ZFP37: variants seen among roughly 807,000 people sequenced by gnomAD.
ZFP37 encodes zinc finger protein 37 homolog.
Under a neutral mutation model 52.1 loss-of-function variants are expected in ZFP37, and 38 were observed. The ratio of observed to expected loss-of-function variants is 0.73; its 90% CI spans 0.56 to 0.96. The LOEUF is 0.96. Ranked by LOEUF, ZFP37 falls within the 40% of genes least tolerant of loss-of-function variation. ZFP37 has a pLI of 0.00. For synonymous variants in ZFP37, 253 were observed against 259.5 expected, an observed-to-expected ratio of 0.98 and a Z score of 0.24; for missense variants, 695 against 741.4, an observed-to-expected ratio of 0.94 and a Z score of 0.73.
In ZFP37 at chr9:113,056,705, G is replaced by A. The variant is rs1318622468; in HGVS notation, c.-17C>T. The A allele has an allele frequency of 2.5e-6, 4 of 1,607,162 alleles. No individual in the cohort carries two copies. In the South Asian group the frequency reaches 4.4e-5, roughly 18 times the overall value. ...GACCGACATGGCGGCTACCCGGAGGGCGGCCTTAGCGGGTCCGGCAGCCGC... is the reference window on the plus strand; with the variant it reads ...GACCGACATGGCGGCTACCCGGAGGACGGCCTTAGCGGGTCCGGCAGCCGC... On this transcript the variant is annotated 5_prime_UTR_variant, in exon 1 of 4. Coordinates refer to ENST00000374227, the MANE Select transcript of ZFP37 (RefSeq NM_003408.3).
rs762517234 is a variant in ZFP37 at position 113,043,156 on chromosome 9, G to C, written c.1462C>G (p.Pro488Ala). The change falls in exon 4 of 4, where the codon CCT (proline) becomes GCT (alanine). Residue 488 changes from proline to alanine, a missense_variant. Coordinates refer to ENST00000374227, the MANE Select transcript of ZFP37 (RefSeq NM_003408.3). Reference sequence around the variant, plus strand: ...TTTCCACACTCATTACATTTATAAGGTTTCTCCTTAGTATGAGTTCTTTGA... The same window carrying C: ...TTTCCACACTCATTACATTTATAAGCTTTCTCCTTAGTATGAGTTCTTTGA... The part of the protein sequence containing the change: ...IHQRTHTKEK[P>A]YKCNECGKAF... 6.2e-7 allele frequency: 1 copy of C among 1,613,672 alleles called. No homozygotes were observed. The highest frequency in any genetic ancestry group is 8.5e-7 in the Non-Finnish European group (1 of 1,179,920).
rs142712789 is a variant in ZFP37 at position 113,043,195 on chromosome 9, G to A, written c.1423C>T (p.His475Tyr). The A allele has an allele frequency of 2.7e-5, 43 of 1,613,730 alleles. No homozygotes were observed. In the African/African-American group the frequency reaches 5.1e-4, roughly 19 times the overall value. Residue 475 changes from histidine (H) to tyrosine (Y), a missense_variant, in exon 4 of 4, where the codon CAC becomes TAC. Around this residue, in one of 2 missense-constraint regions of ZFP37, gnomAD observed 326 missense variants for 400.5 expected, o/e 0.81. Transcript: ENST00000374227. ...TGAGTTCTTTGATGTATAATGAGGT[G>A]TGACTTCTTGCTGAAAGCTTTCCCA... The part of the protein sequence containing the change: ...ECGKAFSKKS[H>Y]LIIHQRTHTK...
At position 113,056,586 on chromosome 9, in the gene ZFP37, C is replaced by G. The variant is rs757843598; in HGVS notation, c.103G>C (p.Ala35Pro). Residue 35 changes from alanine to proline, a missense_variant, in exon 1 of 4, where the codon GCT becomes CCT. This residue lies in a region of ZFP37 where 369 missense variants were observed against 340.9 expected (regional missense o/e 1.08). Coordinates refer to ENST00000374227, the MANE Select transcript of ZFP37 (RefSeq NM_003408.3). ...TKEAGRPLEM[A>P]VSEPEASAAE... ...GCGCTGGCCTCGGGCTCGGACACAG[C>G]CATCTCCAGTGGTCGCCCGGCCTCT... 7 of 1,613,828 alleles carry G rather than the reference C, an allele frequency of 4.3e-6. No homozygotes were observed. In the South Asian group the frequency reaches 7.7e-5, roughly 18 times the overall value.
chr9:113,049,533 C>T, intron 2 of ZFP37, 37 bp from the exon 3 acceptor site: 1 of 1,594,034 alleles, frequency 6.3e-7, no homozygotes, highest in East Asian at 2.2e-5. Context: ...AGTGTTAGAA[C>T]AACCATCCCA....
chr9:113,056,560 G>A lies in ZFP37; in HGVS notation c.129C>T (p.Ala43=), dbSNP rs1829148837. The A allele has an allele frequency of 6.2e-6, 10 of 1,613,282 alleles. No individual in the cohort carries two copies. The highest frequency in any genetic ancestry group is 8.5e-6 in the Non-Finnish European group (10 of 1,179,908). The change falls in exon 1 of 4, where the codon GCC becomes GCT. Residue 43 remains alanine (A), a synonymous_variant. Transcript: ENST00000374227. ...CCTGTCTCATCACAGCTCTCACCGC[G>A]GCGCTGGCCTCGGGCTCGGACACAG... ...EMAVSEPEAS[A]AEWKQLDPAQ... is the part of the protein sequence containing the mutation.
Position 113,042,678 on chromosome 9 carries a change from G to A in ZFP37, c.*47C>T. The A allele has an allele frequency of 2.0e-6, 3 of 1,467,340 alleles. No individual in the cohort carries two copies. Among genetic ancestry groups the A allele is most frequent in the Non-Finnish European group, 2.7e-6 (3 of 1,097,108 alleles). The allele number at this position is 1,467,340 out of a possible 1,614,324, so 90.9% of individuals were successfully genotyped here. ...CTCTTTAAAATCAGCATATTTCCAAGGTTCAACAAAACCTTAAATTTAGTT... is the reference window on the plus strand; with the variant it reads ...CTCTTTAAAATCAGCATATTTCCAAAGTTCAACAAAACCTTAAATTTAGTT... On this transcript the variant is annotated 3_prime_UTR_variant, in exon 4 of 4. Transcript: ENST00000374227.
In ZFP37 at chr9:113,041,462, G is replaced by C. The variant is rs1828845242; in HGVS notation, c.*1263C>G. On this transcript the variant is annotated 3_prime_UTR_variant, in exon 4 of 4. Coordinates refer to ENST00000374227, the MANE Select transcript of ZFP37 (RefSeq NM_003408.3). The stretch of plus-strand genomic sequence containing the variant: ...GACATTTGTTTCATTCGAATTCCCT[G>C]ATTGAGGTGTTTGTGTGTTAGTTCT... 2 of 152,158 alleles carry C rather than the reference G, an allele frequency of 1.3e-5. No individual in the cohort carries two copies. The highest frequency in any genetic ancestry group is 2.9e-5 in the Non-Finnish European group (2 of 68,026). 9.4% of individuals were successfully genotyped at this position (152,158 alleles called of 1,614,324 possible).
intron 1 of ZFP37, among the ~76,000 whole-genome samples, chr9:113,055,464 G>A (rs1253244850): frequency 6.6e-6 from 1 of 152,170 alleles, no homozygotes; most frequent in Non-Finnish European, 1.5e-5. Context: ...GTTTCCTGGT[G>A]TGTCTCCAGC....
chr9:113,046,473 CT>C (rs769117949), intron 3 of ZFP37, among the ~76,000 whole-genome samples: 44 of 152,148 alleles, frequency 2.9e-4, no homozygotes, highest in Admixed American at 1.7e-3. Flanking sequence ...AAACTGAAAA[CT>C]TTCCCCTTGA....
intron 3 of ZFP37, 116 bp downstream of exon 3, chr9:113,049,246 C>A: frequency 8.6e-7 from 1 of 1,160,604 alleles, no homozygotes. Flanking sequence ...ATTCTTTCCT[C>A]AGGAAATCCT....
rs1829065917 is a variant in ZFP37 at position 113,052,055 on chromosome 9, C to T, written c.133-2183G>A. On this transcript the variant is annotated intron_variant, in intron 1 of 3. Transcript: ENST00000374227. This position sits in a 1 kb window ranked among gnomAD's most constrained non-coding sequence, Gnocchi z 4.1. ...GACACTGGTAATCTATCTCCTATTA[C>T]CCCAAATCCCTCATCTTATCAATCC... is the stretch of plus-strand genomic sequence containing the variant. 6.6e-6 allele frequency among the ~76,000 whole-genome samples: 1 copy of T among 151,976 alleles called. No individual in the cohort carries two copies. Among genetic ancestry groups the T allele is most frequent in the Non-Finnish European group, 1.5e-5 (1 of 68,010 alleles).
chr9:113,056,414 C>T (rs965401146), intron 1 of ZFP37, 143 bp downstream of exon 1: 3 of 1,387,192 alleles, frequency 2.2e-6, no homozygotes, highest in Non-Finnish European at 9.8e-7. Flanking sequence ...ACAGATAACT[C>T]AGAACACCGA....
chr9:113,050,222 A>C (rs1002056246), intron 1 of ZFP37, among the ~76,000 whole-genome samples: 1 of 152,010 alleles, frequency 6.6e-6, no homozygotes, highest in African/African-American at 2.4e-5. Flanking sequence ...CCATCTCTAC[A>C]AGAAAATACA....
chr9:113,044,066 C>A lies in ZFP37; in HGVS notation c.552G>T (p.Leu184Phe). The change falls in exon 4 of 4, where the codon TTG becomes TTT. Residue 184 changes from leucine to phenylalanine, a missense_variant. This residue lies in a region of ZFP37 where 369 missense variants were observed against 340.9 expected (regional missense o/e 1.08). Transcript: ENST00000374227. ...LLKFESCGKILKQNLDLPDHS... is the reference protein window; with the variant it reads ...LLKFESCGKIFKQNLDLPDHS... ...GATCAGGTAAATCTAAATTCTGTTT[C>A]AAAATTTTTCCACATGACTCAAATT... is the stretch of plus-strand genomic sequence containing the variant. 1 of 1,609,296 alleles carries A rather than the reference C, an allele frequency of 6.2e-7. No homozygotes were observed. The highest frequency in any genetic ancestry group is 8.5e-7 in the Non-Finnish European group (1 of 1,178,880).
In ZFP37 at chr9:113,040,628, G is replaced by A. The variant is rs1053916623; in HGVS notation, c.*2097C>T. 2.0e-5 allele frequency: 3 copies of A among 152,096 alleles called. No homozygotes were observed. Among genetic ancestry groups the A allele is most frequent in the Non-Finnish European group, 4.4e-5 (3 of 68,018 alleles). The allele number at this position is 152,096 out of a possible 1,614,324, so 9.4% of individuals were successfully genotyped here. A position where few individuals can be genotyped will look rare whatever the true frequency, so the allele number is the denominator to read the frequency against. ...TTGAATGATAAATATTTGTAAAGAT[G>A]GCATTTAAGCACATATTTCTTTGGG... On this transcript the variant is annotated 3_prime_UTR_variant, in exon 4 of 4. Transcript: ENST00000374227.
At chr9:113,047,745 G>C (rs1210674116) in intron 3 of ZFP37, among the ~76,000 whole-genome samples, 1 of 152,162 alleles carries the variant, frequency 6.6e-6, no homozygotes, top group African/African-American at 2.4e-5. Context: ...AACTCTATGG[G>C]AGACAGTCCT....
intron 3 of ZFP37, among the ~76,000 whole-genome samples, chr9:113,046,394 G>T (rs908611840): frequency 1.6e-4 from 25 of 151,990 alleles, no homozygotes; most frequent in African/African-American, 6.0e-4. Context: ...TGACAAGGCT[G>T]TGTCTTTCAA....
intron 1 of ZFP37, among the ~76,000 whole-genome samples, chr9:113,053,548 A>G (rs190508340): frequency 1.0e-3 from 154 of 152,316 alleles, no homozygotes; most frequent in African/African-American, 3.3e-3. Context: ...CTAACCCTAG[A>G]AAATACACCT....
Position 113,041,654 on chromosome 9 carries a change from A to G in ZFP37, c.*1071T>C, listed in dbSNP as rs1174175932. The G allele has an allele frequency of 6.6e-6, 1 of 152,200 alleles. No homozygotes were observed. Among genetic ancestry groups the G allele is most frequent in the African/African-American group, 2.4e-5 (1 of 41,446 alleles). The allele number at this position is 152,200 out of a possible 1,614,324, so 9.4% of individuals were successfully genotyped here. A position where few individuals can be genotyped will look rare whatever the true frequency, so the allele number is the denominator to read the frequency against. On this transcript the variant is annotated 3_prime_UTR_variant, in exon 4 of 4. Transcript: ENST00000374227. ...AATGAAAGAACTTGTGTGTGATAGA[A>G]AAAGTCTTTATGAATTCAACATCAA...
Sources: gnomAD v4.1 joint callset for allele counts (sites outside exome capture counted in the v4.1 genomes callset) on GRCh38, gnomAD v4.1.1 for gene constraint, gnomAD v4.1.1 regional missense constraint, Gnocchi (gnomAD v3.1) non-coding constraint, MANE v1.5 for transcripts, NCBI Gene and HGNC (gene_info 2026-07-23, HGNC 2026-07-21) for gene names.